Variants in LETM1 observed in about 807,000 individuals in gnomAD.
LETM1 encodes the protein leucine zipper and EF-hand containing transmembrane protein 1.
Under a neutral mutation model 74.5 loss-of-function variants are expected in LETM1, and 50 were observed. The ratio of observed to expected loss-of-function variants is 0.67; its 90% CI spans 0.53 to 0.85. The LOEUF (loss-of-function observed/expected upper bound fraction) is 0.85. Ranked by LOEUF, LETM1 falls within the 40% of genes least tolerant of loss-of-function variation. The probability of loss-of-function intolerance (pLI) is 0.00; values close to 1 mark genes in which losing one functional copy is unlikely to be tolerated. For synonymous variants in LETM1, 446 were observed against 407.1 expected, an observed-to-expected ratio of 1.10 and a Z score of -1.15; for missense variants, 824 against 967.8, an observed-to-expected ratio of 0.85 and a Z score of 1.97.
intron 1 of LETM1, among the ~76,000 whole-genome samples, chr4:1,854,052 G>A (rs1399240173): frequency 6.6e-6 from 1 of 152,204 alleles, no homozygotes; most frequent in East Asian, 1.9e-4. Flanking sequence ...AAGAGGTCCA[G>A]AGAGAGCTCT....
intron 7 of LETM1, among the ~76,000 whole-genome samples, chr4:1,824,584 G>A (rs1711914247): frequency 6.6e-6 from 1 of 152,186 alleles, no homozygotes; most frequent in Non-Finnish European, 1.5e-5. Context: ...GAGAAAATAT[G>A]AGAACAAACC....
chr4:1,846,266 G>C (rs1166559441), intron 2 of LETM1, among the ~76,000 whole-genome samples: 4 of 151,984 alleles, frequency 2.6e-5, no homozygotes, highest in Admixed American at 2.6e-4. Context: ...AAAAAGTTAC[G>C]TGAATAAAGT....
At chr4:1,852,141 G>T (rs191048940) in intron 1 of LETM1, among the ~76,000 whole-genome samples, 1 of 152,130 alleles carries the variant, frequency 6.6e-6, no homozygotes, top group African/African-American at 2.4e-5. Context: ...CACAGGGTAC[G>T]GGCTCAGTCC....
intron 2 of LETM1, among the ~76,000 whole-genome samples, chr4:1,845,121 C>T (rs1307516511): frequency 1.3e-5 from 2 of 151,902 alleles, no homozygotes; most frequent in Admixed American, 6.6e-5. Flanking sequence ...ACTTGGGAGG[C>T]GGAGGTTGCA....
Position 1,823,639 on chromosome 4 carries a change from C to T in LETM1, c.1332+5G>A, listed in dbSNP as rs368791925. 6.3e-5 allele frequency: 102 copies of T among 1,613,434 alleles called. No homozygotes were observed. The highest frequency in any genetic ancestry group is 7.9e-5 in the Non-Finnish European group (93 of 1,179,906). ...GAGGTAAAAGGGGTCTCCGACAGCA[C>T]GTACCACAATCTCTGGGAGGGTCTG... On this transcript the variant is annotated splice_donor_5th_base_variant and intron_variant, in intron 8 of 13. Coordinates refer to ENST00000302787, the MANE Select transcript of LETM1 (RefSeq NM_012318.3).
chr4:1,825,706 A>C, intron 6 of LETM1, 23 bp from the exon 7 acceptor site: 1 of 1,600,680 alleles, frequency 6.2e-7, no homozygotes, highest in Non-Finnish European at 8.5e-7. Flanking sequence ...GCAGTGAATT[A>C]TCATCTGGGA....
At chr4:1,837,706 T>G (rs1001951193) in intron 3 of LETM1, among the ~76,000 whole-genome samples, 2 of 148,578 alleles carry the variant, frequency 1.3e-5, no homozygotes, top group African/African-American at 5.0e-5. Context: ...CAAGTTTTTT[T>G]TTTTTTTTTT....
At chr4:1,832,175 G>A (rs997447510) in intron 6 of LETM1, among the ~76,000 whole-genome samples, 5 of 152,070 alleles carry the variant, frequency 3.3e-5, no homozygotes, top group Non-Finnish European at 7.4e-5. Flanking sequence ...GGTGGCGGGC[G>A]CCTGTAATCC....
chr4:1,815,589 AATGAACAGTCCCCCTGCCCCACC>A, intron 13 of LETM1, 52 bp downstream of exon 13: 1 of 1,553,120 alleles, frequency 6.4e-7, no homozygotes, highest in Non-Finnish European at 8.8e-7. Flanking sequence ...CCGGACATGC[AATGAACAGTCCCCCTGCCCCACC>A]CCACTCCAGA....
intron 1 of LETM1, among the ~76,000 whole-genome samples, chr4:1,855,486 C>T (rs1713208706): frequency 6.6e-6 from 1 of 152,250 alleles, no homozygotes; most frequent in African/African-American, 2.4e-5. Flanking sequence ...CTGCCCTGCC[C>T]ACCCAGTCTC....
chr4:1,849,288 G>C (rs1712989553), intron 1 of LETM1, 79 bp from the exon 2 acceptor site: 3 of 1,053,232 alleles, frequency 2.8e-6, no homozygotes, highest in Non-Finnish European at 4.4e-6. Context: ...GTTGGTTTTT[G>C]GAGTTTCGCT....
intron 2 of LETM1, among the ~76,000 whole-genome samples, chr4:1,846,057 A>G (rs576432833): frequency 2.6e-4 from 40 of 151,942 alleles, no homozygotes; most frequent in African/African-American, 9.4e-4. Flanking sequence ...GGGTTTCACC[A>G]TGTTGGCCAG....
At chr4:1,819,100 AG>A (rs1711682779) in intron 11 of LETM1, among the ~76,000 whole-genome samples, 1 of 151,018 alleles carries the variant, frequency 6.6e-6, no homozygotes, top group African/African-American at 2.4e-5. Flanking sequence ...AAAAAAAAAA[AG>A]GTGCACACAC....
intron 1 of LETM1, among the ~76,000 whole-genome samples, chr4:1,851,102 C>A (rs555568355): frequency 6.6e-6 from 1 of 152,156 alleles, no homozygotes; most frequent in African/African-American, 2.4e-5. Flanking sequence ...AGAGTTCATT[C>A]GTATTACTGA....
In LETM1 at chr4:1,825,560, G is replaced by C. The variant is rs373020080; in HGVS notation, c.1200+4C>G. On this transcript the variant is annotated splice_donor_region_variant and intron_variant, in intron 7 of 13. Transcript: ENST00000302787. ...GGCCTGGCACCAGGCCAATATTCAC[G>C]CACCTGCTTCAGCTGACCCCTCAGG... 1 of 1,608,798 alleles carries C rather than the reference G, an allele frequency of 6.2e-7. No homozygotes were observed. Among genetic ancestry groups the C allele is most frequent in the African/African-American group, 1.3e-5 (1 of 74,856 alleles).
At chr4:1,828,148 T>C (rs1712077612) in intron 6 of LETM1, among the ~76,000 whole-genome samples, 2 of 96,054 alleles carry the variant, frequency 2.1e-5, no homozygotes, top group African/African-American at 4.2e-5. Flanking sequence ...GCAGAGGGGC[T>C]CCTCACTTCC....
intron 7 of LETM1, among the ~76,000 whole-genome samples, chr4:1,824,997 C>T (rs1711932907): frequency 6.6e-6 from 1 of 152,254 alleles, no homozygotes; most frequent in South Asian, 2.1e-4. Context: ...AAGGGCATGC[C>T]AGTGCCAGGG....
intron 6 of LETM1, among the ~76,000 whole-genome samples, chr4:1,828,207 G>A (rs1712081448): frequency 1.5e-5 from 2 of 131,852 alleles, no homozygotes; most frequent in African/African-American, 5.7e-5. Flanking sequence ...GGACGGGGCG[G>A]CTGGCCGGGC....
rs145853749 is a variant in LETM1 at position 1,849,227 on chromosome 4, G to GA, written c.83-19dup. The GA allele has an allele frequency of 3.7e-3, 5,891 of 1,573,962 alleles. 190 individuals carry two copies. In the African/African-American group the frequency reaches 0.069, roughly 18 times the overall value. On this transcript the variant is annotated intron_variant, in intron 1 of 13. Transcript: ENST00000302787. ...TGGACTACCTGTAACAGGAACAGGG[G>GA]AAAATAAATGAGTAGTAAATCAGGG...
Sources: allele counts gnomAD v4.1 joint callset (sites outside exome capture counted in the v4.1 genomes callset), GRCh38; gene constraint gnomAD v4.1.1; transcripts MANE v1.5; gene names NCBI Gene and HGNC (gene_info 2026-07-23, HGNC 2026-07-21).